The following PIEZO2 variants were observed in gnomAD, a reference collection of about 807,000 sequenced individuals.
PIEZO2 encodes piezo-type mechanosensitive ion channel component 2.
PIEZO2 carries 172 observed loss-of-function variants against 337.3 expected under a neutral mutation model. That is an observed-to-expected ratio of 0.51 (90% CI 0.45 to 0.58). The LOEUF (loss-of-function observed/expected upper bound fraction) is 0.58, where lower values mean the gene tolerates loss of function less well. Ranked by LOEUF, PIEZO2 falls within the 20% of genes least tolerant of loss-of-function variation. The probability of loss-of-function intolerance (pLI) is 0.00; values close to 1 mark genes in which losing one functional copy is unlikely to be tolerated. For synonymous variants in PIEZO2, 1,251 were observed against 1,228.5 expected, an observed-to-expected ratio of 1.02 and a Z score of -0.38; for missense variants, 3,028 against 3,391.3, an observed-to-expected ratio of 0.89 and a Z score of 2.66.
chr18:11,028,793 C>A lies in PIEZO2; in HGVS notation c.160+37334G>T, dbSNP rs2036628217. Among the ~76,000 whole-genome samples, 1 of 152,138 alleles carries A rather than the reference C, an allele frequency of 6.6e-6. No individual in the cohort carries two copies. The highest frequency in any genetic ancestry group is 1.5e-5 in the Non-Finnish European group (1 of 68,028). On this transcript the variant is annotated intron_variant, in intron 2 of 55. Coordinates refer to ENST00000674853, the MANE Select transcript of PIEZO2 (RefSeq NM_001378183.1). The surrounding 1 kb of genome is among the most constrained non-coding windows in gnomAD (Gnocchi z 4.8). ...TTGGCCATGGTGCTGTGCAGCTCAT[C>A]AGGATTAGTCTTTCTTGTGCTTGGT... is the stretch of plus-strand genomic sequence containing the variant.
intron 49 of PIEZO2, among the ~76,000 whole-genome samples, chr18:10,686,066 CT>C (rs2034533250): frequency 6.6e-6 from 1 of 152,186 alleles, no homozygotes; most frequent in Admixed American, 6.5e-5. Context: ...GGTCCAAACA[CT>C]CCCCATTTTG....
intron 3 of PIEZO2, among the ~76,000 whole-genome samples, chr18:10,924,141 C>T (rs762056343): frequency 3.3e-5 from 5 of 152,216 alleles, no homozygotes; most frequent in African/African-American, 9.7e-5. Flanking sequence ...TCTGTCCCAA[C>T]ACACACACCC....
At chr18:10,970,301 G>A (rs2034182273) in intron 3 of PIEZO2, among the ~76,000 whole-genome samples, 1 of 152,318 alleles carries the variant, frequency 6.6e-6, no homozygotes, top group Middle Eastern at 3.4e-3. Context: ...ATTGGAATTG[G>A]CAACGGGAAG....
intron 2 of PIEZO2, among the ~76,000 whole-genome samples, chr18:10,986,901 T>C (rs1166556636): frequency 6.6e-6 from 1 of 152,004 alleles, no homozygotes; most frequent in Non-Finnish European, 1.5e-5. Flanking sequence ...AAAAATCAAC[T>C]GTGTTTCTAT....
At position 11,038,462 on chromosome 18, in the gene PIEZO2, G is replaced by A. The variant is rs564620947; in HGVS notation, c.160+27665C>T. On this transcript the variant is annotated intron_variant, in intron 2 of 55. Transcript: ENST00000674853. The surrounding 1 kb of genome is among the most constrained non-coding windows in gnomAD (Gnocchi z 4.1). ...TTAAGAATCTCCACCCATTCCAAAA[G>A]TTTTAGGTACAATGCAGTTTCTTGT... Among the ~76,000 whole-genome samples, 5 of 152,090 alleles carry A rather than the reference G, an allele frequency of 3.3e-5. No individual in the cohort carries two copies. In the South Asian group the frequency reaches 1.0e-3, roughly 32 times the overall value.
rs771322450 is a variant in PIEZO2, at chr18:10,877,780, T to C, written c.330-6365A>G. Among the ~76,000 whole-genome samples the C allele has an allele frequency of 3.3e-5, 5 of 152,146 alleles. No individual in the cohort carries two copies. The highest frequency in any genetic ancestry group is 1.9e-4 in the East Asian group (1 of 5,194). On this transcript the variant is annotated intron_variant, in intron 4 of 55. Transcript: ENST00000674853. The surrounding 1 kb of genome is among the most constrained non-coding windows in gnomAD (Gnocchi z 5.3). ...GTTTTTAGCAGCATAAAGCTGATCA[T>C]GTCAACCCCACGGCCCCCAGGAAAC...
In PIEZO2 at chr18:10,773,493, C is replaced by A; in HGVS notation, c.2704G>T (p.Gly902Cys). 6.5e-7 allele frequency: 1 copy of A among 1,537,472 alleles called. No individual in the cohort carries two copies. The highest frequency in any genetic ancestry group is 8.7e-7 in the Non-Finnish European group (1 of 1,146,976). ...LEGYSEKAQK[G>C]DLGKDSEESE... ...TCCTCGCTGTCTTTCCCAAGATCAC[C>A]CTTCTGGGCTTTTTCAGAGTAGCCC... Residue 902 changes from glycine to cysteine, a missense_variant, in exon 20 of 56, where the codon GGT becomes TGT. Physicochemically the swap from Gly to Cys is radical, Grantham distance 159. Around this residue, in one of 5 missense-constraint regions of PIEZO2, gnomAD observed 1,925 missense variants for 2,051.9 expected, o/e 0.94. Transcript: ENST00000674853. The surrounding 1 kb of genome is among the most constrained non-coding windows in gnomAD (Gnocchi z 5.3).
intron 1 of PIEZO2, among the ~76,000 whole-genome samples, chr18:11,119,793 G>A (rs2039984050): frequency 6.6e-6 from 1 of 152,150 alleles, no homozygotes. Context: ...TTGCAAAATA[G>A]CTTTCCTTTC....
intron 2 of PIEZO2, among the ~76,000 whole-genome samples, chr18:11,057,938 A>C (rs985273391): frequency 6.6e-6 from 1 of 152,234 alleles, no homozygotes; most frequent in Non-Finnish European, 1.5e-5. Flanking sequence ...CATCAGCTTA[A>C]ACATAGGCAT....
chr18:10,782,328 TA>T lies in PIEZO2; in HGVS notation c.2493-1963del, dbSNP rs1568050948. On this transcript the variant is annotated intron_variant, in intron 17 of 55. Coordinates refer to ENST00000674853, the MANE Select transcript of PIEZO2 (RefSeq NM_001378183.1). Reference sequence around the variant, plus strand: ...AAATAATTATATAATATATTATAATTATATATAAATAATTATAATATATTAT... The same window carrying T: ...AAATAATTATATAATATATTATAATTTATATAAATAATTATAATATATTAT... Among the ~76,000 whole-genome samples the T allele has an allele frequency of 9.5e-4, 83 of 87,280 alleles. 7 individuals are homozygous for T. In the Admixed American group the frequency reaches 0.014, roughly 15 times the overall value. The allele number at this position is 87,280 out of a possible 152,430, so 57.3% of individuals were successfully genotyped here. A position where few individuals can be genotyped will look rare whatever the true frequency, so the allele number is the denominator to read the frequency against.
chr18:10,989,742 A>C (rs954505679), intron 2 of PIEZO2, among the ~76,000 whole-genome samples: 3 of 152,176 alleles, frequency 2.0e-5, no homozygotes, highest in Non-Finnish European at 2.9e-5. Flanking sequence ...TTATACAGGG[A>C]AGCTAAAGCT....
Position 11,125,255 on chromosome 18 carries a change from T to TTATAATCATATTATCTTA in PIEZO2, c.64+23269_64+23270insTAAGATAATATGATTATA, listed in dbSNP as rs1327428967. On this transcript the variant is annotated intron_variant, in intron 1 of 55. Coordinates refer to ENST00000674853, the MANE Select transcript of PIEZO2 (RefSeq NM_001378183.1). This position sits in a 1 kb window ranked among gnomAD's most constrained non-coding sequence, Gnocchi z 4.4. ...AGCAAGAAAACCATTATAAGCCCTC[T>TTATAATCATATTATCTTA]TGAGCTGATAATTCAAAAAGTATGC... Among the ~76,000 whole-genome samples, 2 of 152,182 alleles carry TTATAATCATATTATCTTA rather than the reference T, an allele frequency of 1.3e-5. No individual in the cohort carries two copies. Among genetic ancestry groups the TTATAATCATATTATCTTA allele is most frequent in the African/African-American group, 4.8e-5 (2 of 41,428 alleles).
chr18:10,869,045 T>C (rs2042075791), intron 5 of PIEZO2, among the ~76,000 whole-genome samples: 1 of 152,194 alleles, frequency 6.6e-6, no homozygotes, highest in African/African-American at 2.4e-5. Context: ...GAATTTGAAA[T>C]TGCACTACTA....
chr18:11,061,192 AC>A (rs2037940158), intron 2 of PIEZO2, among the ~76,000 whole-genome samples: 1 of 152,162 alleles, frequency 6.6e-6, no homozygotes, highest in Non-Finnish European at 1.5e-5. Context: ...AAGGCCTTTG[AC>A]AAAATTCAAC....
In PIEZO2 at chr18:10,776,405, T is replaced by C. The variant is rs73384334; in HGVS notation, c.2535-2367A>G. Among the ~76,000 whole-genome samples, 619 of 152,344 alleles carry C rather than the reference T, an allele frequency of 4.1e-3. 4 individuals carry two copies. The highest frequency in any genetic ancestry group is 0.014 in the African/African-American group (579 of 41,562). ...ATGGTAGATTTTCATATATTATGGT[T>C]TGATAATCTGCATCATAAATTCATT... On this transcript the variant is annotated intron_variant, in intron 18 of 55. Transcript: ENST00000674853.
intron 2 of PIEZO2, among the ~76,000 whole-genome samples, chr18:10,985,747 A>T (rs1234138381): frequency 6.6e-6 from 1 of 151,986 alleles, no homozygotes; most frequent in Admixed American, 6.6e-5. Context: ...CAAAAGATAT[A>T]AAGGAATCAA....
chr18:10,986,939 A>G (rs556832165), intron 2 of PIEZO2, among the ~76,000 whole-genome samples: 1 of 152,182 alleles, frequency 6.6e-6, no homozygotes, highest in East Asian at 1.9e-4. Flanking sequence ...TTCAGAAAAA[A>G]ATAAACAAAA....
rs2625371 is a variant in PIEZO2, at chr18:11,033,438, A to G, written c.160+32689T>C. 0.012 allele frequency among the ~76,000 whole-genome samples: 1,872 copies of G among 152,330 alleles called. 22 individuals carry two copies. The highest frequency in any genetic ancestry group is 0.036 in the African/African-American group (1,481 of 41,574). On this transcript the variant is annotated intron_variant, in intron 2 of 55. Coordinates refer to ENST00000674853, the MANE Select transcript of PIEZO2 (RefSeq NM_001378183.1). The surrounding 1 kb of genome is among the most constrained non-coding windows in gnomAD (Gnocchi z 4.2). ...AACATTCTATCTGTCATGGATTTGTATTTAGACTGTGATTAATGTCAAAGT... is the reference window on the plus strand; with the variant it reads ...AACATTCTATCTGTCATGGATTTGTGTTTAGACTGTGATTAATGTCAAAGT...
intron 2 of PIEZO2, among the ~76,000 whole-genome samples, chr18:11,064,179 C>T (rs56118226): frequency 0.046 from 6,930 of 152,216 alleles, 442 homozygotes; most frequent in African/African-American, 0.15. Context: ...ATTTTAGAAA[C>T]GCATGTGTTC....
Sources: allele counts gnomAD v4.1 joint callset (sites outside exome capture counted in the v4.1 genomes callset), GRCh38; gene constraint gnomAD v4.1.1; regional missense constraint gnomAD v4.1.1; non-coding constraint Gnocchi (gnomAD v3.1); transcripts MANE v1.5; gene names NCBI Gene and HGNC (gene_info 2026-07-23, HGNC 2026-07-21).